The following REEP1 variants were observed in gnomAD, a reference collection of about 807,000 sequenced individuals.
The protein encoded by REEP1 is receptor accessory protein 1.
REEP1 carries 22 observed loss-of-function variants against 40.3 expected under a neutral mutation model. The ratio of observed to expected loss-of-function variants is 0.55; its 90% CI spans 0.39 to 0.78. The LOEUF (loss-of-function observed/expected upper bound fraction) is 0.78, where lower values mean the gene tolerates loss of function less well. REEP1 is among the 30% of genes least tolerant of loss of function. REEP1 has a pLI of 0.00. For synonymous variants in REEP1, 116 were observed against 139.2 expected (o/e 0.83, Z 1.17); for missense variants, 280 against 361.1 (o/e 0.78, Z 1.82).
At chr2:86,227,450 A>T in intron 6 of REEP1, 52 bp from the exon 7 acceptor site, 1 of 1,229,066 alleles carries the variant, frequency 8.1e-7, no homozygotes, top group Non-Finnish European at 1.0e-6. Flanking sequence ...CTGGACAGGA[A>T]CCAGCCCCGG....
At chr2:86,263,784 ATAT>A (rs1205540816) in intron 3 of REEP1, among the ~76,000 whole-genome samples, 178 bp downstream of exon 3, 2 of 152,196 alleles carry the variant, frequency 1.3e-5, no homozygotes, top group Non-Finnish European at 2.9e-5. Flanking sequence ...CATTCAATAA[ATAT>A]TTACTTGAAG....
chr2:86,221,699 C>T (rs1184927237), intron 7 of REEP1, among the ~76,000 whole-genome samples: 1 of 152,184 alleles, frequency 6.6e-6, no homozygotes, highest in Non-Finnish European at 1.5e-5. Context: ...CCCTCAGTCT[C>T]TCTGAGCACC....
chr2:86,266,983 G>A (rs897933545), intron 2 of REEP1, among the ~76,000 whole-genome samples: 1 of 151,512 alleles, frequency 6.6e-6, no homozygotes, highest in African/African-American at 2.4e-5. Context: ...CTCCAGCCTG[G>A]GTGACAGAGC....
At chr2:86,295,632 C>A (rs905571287) in intron 1 of REEP1, among the ~76,000 whole-genome samples, 10 of 152,204 alleles carry the variant, frequency 6.6e-5, no homozygotes, top group Non-Finnish European at 1.5e-4. Flanking sequence ...CTCCGCCTCC[C>A]GGATTCAAGC....
intron 5 of REEP1, among the ~76,000 whole-genome samples, chr2:86,235,702 C>T (rs966483994): frequency 6.6e-6 from 1 of 152,140 alleles, no homozygotes; most frequent in Non-Finnish European, 1.5e-5. Flanking sequence ...CAGCAGGCAT[C>T]GTACACGTTC....
intron 5 of REEP1, chr2:86,251,424 G>A (rs547533357): frequency 5.3e-6 from 1 of 186,960 alleles, no homozygotes; most frequent in East Asian, 1.3e-4. Flanking sequence ...TGACCTCCAT[G>A]TCTGGACCAC....
chr2:86,337,568 C>T lies in REEP1; in HGVS notation c.-58G>A. 8.3e-7 allele frequency: 1 copy of T among 1,203,334 alleles called. No individual in the cohort carries two copies. The highest frequency in any genetic ancestry group is 3.8e-5 in the South Asian group (1 of 26,178). The allele number at this position is 1,203,334 out of a possible 1,614,324, so 74.5% of individuals were successfully genotyped here. ...CGCGGCTCGGCTAGGCTGCGGGCGGCGCGGGCTGCTGCGGCGTTCCCGGAA... is the reference window on the plus strand; with the variant it reads ...CGCGGCTCGGCTAGGCTGCGGGCGGTGCGGGCTGCTGCGGCGTTCCCGGAA... On this transcript the variant is annotated 5_prime_UTR_variant, in exon 1 of 9. Transcript: ENST00000538924. This position sits in a 1 kb window ranked among gnomAD's most constrained non-coding sequence, Gnocchi z 5.8.
At chr2:86,306,887 A>G (rs969011462) in intron 1 of REEP1, among the ~76,000 whole-genome samples, 2 of 151,328 alleles carry the variant, frequency 1.3e-5, no homozygotes, top group Non-Finnish European at 2.9e-5. Flanking sequence ...GGGAGCCAAA[A>G]GAAAAAAAAA....
chr2:86,312,263 A>C lies in REEP1; in HGVS notation c.32+25216T>G, dbSNP rs576418793. On this transcript the variant is annotated intron_variant, in intron 1 of 8. Transcript: ENST00000538924. ...TCAAGTGGCACAATCTCACCATCAC[A>C]CATAACTTCATACTGGCTGCAGAAG... is the stretch of plus-strand genomic sequence containing the variant. Among the ~76,000 whole-genome samples, 9 of 152,282 alleles carry C rather than the reference A, an allele frequency of 5.9e-5. No individual in the cohort carries two copies. The East Asian group carries it at 1.7e-3, about 29-fold the overall frequency.
At chr2:86,327,165 A>C (rs947720264) in intron 1 of REEP1, among the ~76,000 whole-genome samples, 5 of 152,060 alleles carry the variant, frequency 3.3e-5, no homozygotes, top group Admixed American at 3.3e-4. Context: ...TAATGTCAAC[A>C]CTTTATTTTT....
intron 4 of REEP1, among the ~76,000 whole-genome samples, chr2:86,253,360 G>T (rs955327018): frequency 3.9e-5 from 6 of 152,002 alleles, no homozygotes; most frequent in African/African-American, 1.5e-4. Flanking sequence ...TTTGGCCTTA[G>T]TCAAGTTCTG....
chr2:86,245,612 G>C (rs556227484), intron 5 of REEP1, among the ~76,000 whole-genome samples: 11 of 152,248 alleles, frequency 7.2e-5, no homozygotes, highest in African/African-American at 2.4e-4. Flanking sequence ...GTGGAGACCA[G>C]AACTCTGGGC....
chr2:86,276,605 G>A (rs1057478809), intron 2 of REEP1, among the ~76,000 whole-genome samples: 4 of 152,240 alleles, frequency 2.6e-5, no homozygotes, highest in Non-Finnish European at 5.9e-5. Flanking sequence ...CAAGGTGGGA[G>A]TCAGCATTTT....
chr2:86,306,853 A>G (rs1270698709), intron 1 of REEP1, among the ~76,000 whole-genome samples: 1 of 152,108 alleles, frequency 6.6e-6, no homozygotes, highest in East Asian at 1.9e-4. Flanking sequence ...GCATGTACCA[A>G]AAGTCCTTTG....
intron 1 of REEP1, among the ~76,000 whole-genome samples, chr2:86,316,293 C>T (rs1270058692): frequency 6.6e-6 from 1 of 152,078 alleles, no homozygotes; most frequent in Non-Finnish European, 1.5e-5. Flanking sequence ...AATCCTAGCA[C>T]TTTGGGAGGC....
At chr2:86,317,512 C>T (rs78994046) in intron 1 of REEP1, among the ~76,000 whole-genome samples, 4,593 of 152,194 alleles carry the variant, frequency 0.03, 118 homozygotes, top group East Asian at 0.07. Context: ...ACAATATTAC[C>T]AAGACATTTG....
Position 86,219,900 on chromosome 2 carries a change from G to A in REEP1, c.783+70C>T, listed in dbSNP as rs531444526. 1.1e-5 allele frequency: 13 copies of A among 1,190,982 alleles called. No individual in the cohort carries two copies. The South Asian group carries it at 5.2e-4, about 48-fold the overall frequency. The allele number at this position is 1,190,982 out of a possible 1,614,324, so 73.8% of individuals were successfully genotyped here. On this transcript the variant is annotated intron_variant, in intron 8 of 8. Transcript: ENST00000538924. ...GGTGCCCCAAGAGATGCTGCTCCCA[G>A]GACCCCCAATCTCCAGGGCATAGCC...
intron 1 of REEP1, among the ~76,000 whole-genome samples, chr2:86,333,953 A>T (rs1196497980): frequency 6.6e-6 from 1 of 152,200 alleles, no homozygotes; most frequent in Admixed American, 6.5e-5. Flanking sequence ...CCTCACTCTA[A>T]GAGCCTTGCC....
At chr2:86,268,934 A>G (rs11676515) in intron 2 of REEP1, among the ~76,000 whole-genome samples, 54,853 of 152,038 alleles carry the variant, frequency 0.36, 11,931 homozygotes, top group East Asian at 0.58. Context: ...TGCAATAACA[A>G]CAATGAAAAA....
Sources: allele counts gnomAD v4.1 joint callset (sites outside exome capture counted in the v4.1 genomes callset), GRCh38; gene constraint gnomAD v4.1.1; non-coding constraint Gnocchi (gnomAD v3.1); transcripts MANE v1.5; gene names NCBI Gene and HGNC (gene_info 2026-07-23, HGNC 2026-07-21).